The following CNTNAP2 variants were observed in gnomAD, a reference collection of about 807,000 sequenced individuals.
CNTNAP2 encodes the protein contactin associated protein 2, also known as contactin-associated protein-like 2.
A neutral mutation model predicts 155.2 loss-of-function variants in CNTNAP2; 98 were observed. The ratio of observed to expected loss-of-function variants is 0.63; its 90% CI spans 0.54 to 0.75. CNTNAP2 has a LOEUF of 0.75. Among genes scored for constraint, CNTNAP2 ranks in the 30% least tolerant of loss-of-function variants. The probability of loss-of-function intolerance (pLI) is 0.00; values close to 1 mark genes in which losing one functional copy is unlikely to be tolerated. For missense variants in CNTNAP2, 1,727 were observed against 1,688.1 expected (o/e 1.02, Z -0.40); for synonymous variants, 651 against 631.2 (o/e 1.03, Z -0.47).
chr7:147,655,880 G>A (rs1291791624), intron 13 of CNTNAP2, among the ~76,000 whole-genome samples: 3 of 152,174 alleles, frequency 2.0e-5, no homozygotes, highest in African/African-American at 7.2e-5. Context: ...GTCCTAGATG[G>A]CATCCTCTTC....
rs1340600943 is a variant in CNTNAP2, at chr7:148,229,707, C to T, written c.3309C>T (p.Asp1103=). ...GTREPYNIDV[D]HRNMANGQPH... ...GAGAGCCATACAATATTGACGTAGA[C>T]CACAGGAACATGGCCAATGGACAGC... The change falls in exon 20 of 24, where the codon GAC becomes GAT. Residue 1103 remains aspartate, a synonymous_variant. Transcript: ENST00000361727. 5.0e-6 allele frequency: 8 copies of T among 1,614,024 alleles called. No individual in the cohort carries two copies. Among genetic ancestry groups the T allele is most frequent in the Non-Finnish European group, 5.9e-6 (7 of 1,180,020 alleles).
At chr7:147,149,820 G>A (rs530104875) in intron 8 of CNTNAP2, among the ~76,000 whole-genome samples, 2 of 152,174 alleles carry the variant, frequency 1.3e-5, no homozygotes, top group Admixed American at 1.3e-4. Flanking sequence ...GCATAATCCA[G>A]GAGTAAGTAA....
chr7:147,513,983 CA>C, intron 11 of CNTNAP2, among the ~76,000 whole-genome samples: 1 of 152,312 alleles, frequency 6.6e-6, no homozygotes, highest in South Asian at 2.1e-4. Context: ...GTCCTTTCAC[CA>C]GAGGTAGAGA....
At chr7:148,137,732 G>GGAAA (rs1449565087) in intron 16 of CNTNAP2, among the ~76,000 whole-genome samples, 1 of 140,430 alleles carries the variant, frequency 7.1e-6, no homozygotes, top group Non-Finnish European at 1.5e-5. Flanking sequence ...AAGGAAGGAA[G>GGAAA]GAAGGTTCTC....
chr7:148,281,835 C>CTT (rs58086860), intron 21 of CNTNAP2, among the ~76,000 whole-genome samples: 46,918 of 122,514 alleles, frequency 0.38, 10,345 homozygotes, highest in East Asian at 0.59. Flanking sequence ...ACAACGTTTC[C>CTT]TTTTTTTTTT....
chr7:148,273,940 G>A (rs4725773), intron 21 of CNTNAP2, among the ~76,000 whole-genome samples: 62,529 of 151,986 alleles, frequency 0.41, 13,772 homozygotes, highest in African/African-American at 0.55. Context: ...ACTTTCTGGA[G>A]CTTTGGCAAA....
intron 13 of CNTNAP2, among the ~76,000 whole-genome samples, chr7:147,655,354 C>T (rs1795510026): frequency 6.6e-6 from 1 of 152,124 alleles, no homozygotes; most frequent in Non-Finnish European, 1.5e-5. Context: ...AACTCCTGAC[C>T]TCAGGTGATC....
rs145461627 is a variant in CNTNAP2 at position 146,685,607 on chromosome 7, G to A, written c.98-88664G>A. Among the ~76,000 whole-genome samples, 54 of 152,176 alleles carry A rather than the reference G, an allele frequency of 3.5e-4. 1 individual carries two copies. Among genetic ancestry groups the A allele is most frequent in the South Asian group, 2.1e-3 (10 of 4,818 alleles). On this transcript the variant is annotated intron_variant, in intron 1 of 23. Coordinates refer to ENST00000361727, the MANE Select transcript of CNTNAP2 (RefSeq NM_014141.6). ...TTCTGTTTTCACACAGAACAAATAA[G>A]TGCTGAATAAAGTTTATTTGAATGA...
intron 11 of CNTNAP2, chr7:147,496,721 G>A (rs914399327): frequency 1.3e-5 from 2 of 152,124 alleles, no homozygotes; most frequent in East Asian, 3.9e-4. Flanking sequence ...ACTCAGTGAG[G>A]ATTCTCTTGA....
intron 3 of CNTNAP2, among the ~76,000 whole-genome samples, chr7:147,016,156 C>T (rs1157200077): frequency 6.6e-6 from 1 of 151,842 alleles, no homozygotes; most frequent in Non-Finnish European, 1.5e-5. Context: ...CACATGAGTG[C>T]TAATTTGAGC....
In CNTNAP2 at chr7:147,841,361, G is replaced by C. The variant is rs576435991; in HGVS notation, c.2099-62204G>C. Among the ~76,000 whole-genome samples the C allele has an allele frequency of 3.3e-5, 5 of 152,206 alleles. No individual in the cohort carries two copies. The South Asian group carries it at 1.0e-3, about 32-fold the overall frequency. Reference sequence around the variant, plus strand: ...ATCGTCTGTTTTCTTTCAGGCTTTTGTCAGTATCTAAGGCAAGTCCTTTGT... The same window carrying C: ...ATCGTCTGTTTTCTTTCAGGCTTTTCTCAGTATCTAAGGCAAGTCCTTTGT... On this transcript the variant is annotated intron_variant, in intron 13 of 23. Coordinates refer to ENST00000361727, the MANE Select transcript of CNTNAP2 (RefSeq NM_014141.6).
intron 21 of CNTNAP2, among the ~76,000 whole-genome samples, chr7:148,283,074 T>A (rs28707722): frequency 0.77 from 115,593 of 150,932 alleles, 44,391 homozygotes; most frequent in South Asian, 0.87. Context: ...ATCTCTACTT[T>A]AAAAAACTAC....
intron 1 of CNTNAP2, among the ~76,000 whole-genome samples, chr7:146,189,835 A>G (rs1381745983): frequency 6.6e-6 from 1 of 152,206 alleles, no homozygotes; most frequent in African/African-American, 2.4e-5. Context: ...TCACACTTCA[A>G]TTGAAAGTAA....
At chr7:146,593,250 G>A (rs1055473646) in intron 1 of CNTNAP2, among the ~76,000 whole-genome samples, 5 of 151,750 alleles carry the variant, frequency 3.3e-5, no homozygotes, top group East Asian at 1.9e-4. Flanking sequence ...TTCCAACCCC[G>A]GGTGAACCCC....
chr7:148,266,767 G>C (rs1209848151), intron 20 of CNTNAP2, among the ~76,000 whole-genome samples: 1 of 152,168 alleles, frequency 6.6e-6, no homozygotes, highest in Non-Finnish European at 1.5e-5. Flanking sequence ...TAATCCTGTA[G>C]GTAAATCATC....
intron 15 of CNTNAP2, among the ~76,000 whole-genome samples, chr7:148,016,491 G>A (rs1802179296): frequency 6.6e-6 from 1 of 152,226 alleles, no homozygotes; most frequent in African/African-American, 2.4e-5. Context: ...AACTGTGCAT[G>A]TCTAGCTTAT....
intron 1 of CNTNAP2, among the ~76,000 whole-genome samples, chr7:146,753,915 G>A (rs897359830): frequency 2.6e-5 from 4 of 152,022 alleles, no homozygotes; most frequent in South Asian, 2.1e-4. Context: ...CAACCTATAC[G>A]AAAATAGAAG....
chr7:147,662,879 T>C (rs1038418008), intron 13 of CNTNAP2, among the ~76,000 whole-genome samples: 2 of 152,096 alleles, frequency 1.3e-5, no homozygotes, highest in Non-Finnish European at 2.9e-5. Context: ...ATAACTCCAA[T>C]TTTTTTATTG....
intron 9 of CNTNAP2, among the ~76,000 whole-genome samples, chr7:147,329,238 G>A (rs984581163): frequency 2.0e-5 from 3 of 151,954 alleles, no homozygotes; most frequent in Non-Finnish European, 4.4e-5. Flanking sequence ...TGAGTTCATT[G>A]AGGTGAAGGT....
Sources: gnomAD v4.1 joint callset for allele counts (sites outside exome capture counted in the v4.1 genomes callset) on GRCh38, gnomAD v4.1.1 for gene constraint, MANE v1.5 for transcripts, NCBI Gene and HGNC (gene_info 2026-07-23, HGNC 2026-07-21) for gene names.